The following HIRA variants were observed in gnomAD, a reference collection of about 807,000 sequenced individuals.
HIRA encodes protein HIRA.
Under a neutral mutation model 126.6 loss-of-function variants are expected in HIRA, and 13 were observed. That is an observed-to-expected ratio of 0.10 (90% CI 0.07 to 0.16). The LOEUF (loss-of-function observed/expected upper bound fraction) is 0.16, where lower values mean the gene tolerates loss of function less well. Among genes scored for constraint, HIRA ranks in the 10% least tolerant of loss-of-function variants. HIRA has a pLI of 1.00. For synonymous variants in HIRA, 511 were observed against 520.0 expected, an observed-to-expected ratio of 0.98 and a Z score of 0.24; for missense variants, 834 against 1,314.4, an observed-to-expected ratio of 0.63 and a Z score of 5.65.
intron 5 of HIRA, chr22:19,405,394 G>A: frequency 1.6e-6 from 1 of 618,690 alleles, no homozygotes; most frequent in African/African-American, 2.0e-5. Flanking sequence ...CATACTCAAG[G>A]TCAAGTTGAG....
At chr22:19,392,071 T>G (rs2089187781) in intron 9 of HIRA, 30 bp downstream of exon 9, 1 of 1,376,590 alleles carries the variant, frequency 7.3e-7, no homozygotes, top group South Asian at 1.2e-5. Context: ...CCTCCCGTCC[T>G]GCAACAAAAG....
chr22:19,400,887 T>C (rs749316366), intron 5 of HIRA, among the ~76,000 whole-genome samples: 4 of 152,044 alleles, frequency 2.6e-5, no homozygotes, highest in Non-Finnish European at 5.9e-5. Flanking sequence ...AATTCCAACC[T>C]TCCCACAGGC....
intron 24 of HIRA, among the ~76,000 whole-genome samples, chr22:19,342,994 G>A (rs2088648206): frequency 6.6e-6 from 1 of 152,172 alleles, no homozygotes; most frequent in African/African-American, 2.4e-5. Flanking sequence ...AGTAACTCAG[G>A]AATGGAAAAC....
intron 1 of HIRA, among the ~76,000 whole-genome samples, chr22:19,413,278 TC>T: frequency 6.6e-6 from 1 of 152,250 alleles, no homozygotes; most frequent in East Asian, 1.9e-4. Context: ...GCCTCAAGGC[TC>T]CAGGGGAAGG....
rs782416995 is a variant in HIRA at position 19,353,500 on chromosome 22, G to A, written c.2704C>T (p.Arg902Trp). The change falls in exon 23 of 25, where the codon CGG (arginine) becomes TGG (tryptophan). Residue 902 changes from arginine to tryptophan, a missense_variant. Arg to Trp is a moderately radical substitution (Grantham distance 101). Around this residue, in one of 5 missense-constraint regions of HIRA, gnomAD observed 468 missense variants for 574.2 expected, o/e 0.82. Transcript: ENST00000263208. ...ACCACATGAGGCACGGAGAAGAGCCGGGCAGCCTGCCTTCCCGAGCTGCAG... is the reference window on the plus strand; with the variant it reads ...ACCACATGAGGCACGGAGAAGAGCCAGGCAGCCTGCCTTCCCGAGCTGCAG... ...RTSNSGRQAA[R>W]LFSVPHVVQQ... The A allele has an allele frequency of 6.8e-6, 11 of 1,610,000 alleles. No homozygotes were observed. The highest frequency in any genetic ancestry group is 2.7e-5 in the African/African-American group (2 of 74,854).
intron 24 of HIRA, among the ~76,000 whole-genome samples, chr22:19,334,622 A>G (rs1453327133): frequency 6.6e-6 from 1 of 151,440 alleles, no homozygotes; most frequent in East Asian, 2.0e-4. Flanking sequence ...CCCCATCTCC[A>G]CTAAAAATAC....
Position 19,347,708 on chromosome 22 carries a change from G to A in HIRA, c.2937+3650C>T, listed in dbSNP as rs556032715. 2.1e-3 allele frequency among the ~76,000 whole-genome samples: 317 copies of A among 152,204 alleles called. 1 individual carries two copies. The highest frequency in any genetic ancestry group is 3.9e-3 in the Non-Finnish European group (266 of 68,006). On this transcript the variant is annotated intron_variant, in intron 24 of 24. Transcript: ENST00000263208. ...AATCCCAGCACTTCGGGAGGCTGAG[G>A]TGGGTAGATCACCTGAGGTCAGGAG...
intron 24 of HIRA, among the ~76,000 whole-genome samples, chr22:19,340,847 C>T (rs1267762321): frequency 6.6e-6 from 1 of 152,158 alleles, no homozygotes; most frequent in Admixed American, 6.5e-5. Flanking sequence ...AACTGAAAAA[C>T]TGATTGCTGA....
intron 1 of HIRA, among the ~76,000 whole-genome samples, chr22:19,414,454 A>G (rs2089378977): frequency 1.3e-5 from 2 of 152,218 alleles, no homozygotes; most frequent in Non-Finnish European, 2.9e-5. Flanking sequence ...CCCTCTCAGC[A>G]GTCCCACAGA....
chr22:19,402,994 T>C (rs1392508493), intron 5 of HIRA, among the ~76,000 whole-genome samples: 3 of 150,568 alleles, frequency 2.0e-5, no homozygotes, highest in Non-Finnish European at 4.4e-5. Flanking sequence ...TCCTAGCTAC[T>C]CAGGAGGCTG....
chr22:19,357,056 G>T lies in HIRA; in HGVS notation c.2235-5C>A. ...CAGGCGACACACACCACGTCACTGA[G>T]AAGGCAGAGTGGGGGCAGGTGTCAT... On this transcript the variant is annotated splice_region_variant and splice_polypyrimidine_tract_variant and intron_variant, in intron 18 of 24. Coordinates refer to ENST00000263208, the MANE Select transcript of HIRA (RefSeq NM_003325.4). 2 of 1,613,952 alleles carry T rather than the reference G, an allele frequency of 1.2e-6. No individual in the cohort carries two copies. The highest frequency in any genetic ancestry group is 1.7e-6 in the Non-Finnish European group (2 of 1,179,954).
At position 19,404,547 on chromosome 22, in the gene HIRA, C is replaced by T. The variant is rs3788297; in HGVS notation, c.397+1239G>A. Reference sequence around the variant, plus strand: ...CACAAATGTGGACTCAATCTATGGCCGCCACCAAGATGGGTTTGTTCTCCT... The same window carrying T: ...CACAAATGTGGACTCAATCTATGGCTGCCACCAAGATGGGTTTGTTCTCCT... On this transcript the variant is annotated intron_variant, in intron 5 of 24. Coordinates refer to ENST00000263208, the MANE Select transcript of HIRA (RefSeq NM_003325.4). Among the ~76,000 whole-genome samples, 18 of 152,246 alleles carry T rather than the reference C, an allele frequency of 1.2e-4. No individual in the cohort carries two copies. In the East Asian group the frequency reaches 2.3e-3, roughly 20 times the overall value.
chr22:19,363,207 C>G (rs570531952), intron 15 of HIRA, among the ~76,000 whole-genome samples: 29 of 149,454 alleles, frequency 1.9e-4, no homozygotes, highest in African/African-American at 7.1e-4. Context: ...GCACTCCAGC[C>G]TGGTGACAAA....
At chr22:19,395,691 G>A (rs2089217640) in intron 7 of HIRA, among the ~76,000 whole-genome samples, 1 of 152,166 alleles carries the variant, frequency 6.6e-6, no homozygotes, top group South Asian at 2.1e-4. Context: ...CTTTCCTGAT[G>A]CACTCACCTC....
At chr22:19,346,243 A>G (rs1352908124) in intron 24 of HIRA, among the ~76,000 whole-genome samples, 2 of 152,220 alleles carry the variant, frequency 1.3e-5, no homozygotes, top group African/African-American at 4.8e-5. Flanking sequence ...AAGGCCAGGC[A>G]CGGTGGCTCA....
At chr22:19,347,233 C>G (rs1163367344) in intron 24 of HIRA, among the ~76,000 whole-genome samples, 1 of 152,148 alleles carries the variant, frequency 6.6e-6, no homozygotes, top group Non-Finnish European at 1.5e-5. Flanking sequence ...AAACCTGAGG[C>G]CACTATCAAT....
In HIRA at chr22:19,431,633, C is replaced by A; in HGVS notation, c.-157G>T. ...GCCGCCGCGCCATCGCCGGCCCGCG[C>A]CCCCCTCCGCCGCCACAGCCGCCAC... On this transcript the variant is annotated 5_prime_UTR_variant, in exon 1 of 25. Transcript: ENST00000263208. The A allele has an allele frequency of 2.9e-6, 2 of 690,816 alleles. No individual in the cohort carries two copies. The highest frequency in any genetic ancestry group is 1.8e-6 in the Non-Finnish European group (1 of 546,016). The allele number at this position is 690,816 out of a possible 1,614,324, so 42.8% of individuals were successfully genotyped here.
At chr22:19,407,645 A>G (rs1471670188) in intron 3 of HIRA, among the ~76,000 whole-genome samples, 1 of 152,248 alleles carries the variant, frequency 6.6e-6, no homozygotes, top group African/African-American at 2.4e-5. Flanking sequence ...TCAAAAAAAG[A>G]GTACGTGCTA....
At chr22:19,332,695 T>C (rs2088504901) in intron 24 of HIRA, among the ~76,000 whole-genome samples, 1 of 150,184 alleles carries the variant, frequency 6.7e-6, no homozygotes, top group Non-Finnish European at 1.5e-5. Flanking sequence ...TTAGAGGCAT[T>C]TAGAAACAAC....
Sources: allele counts gnomAD v4.1 joint callset (sites outside exome capture counted in the v4.1 genomes callset), GRCh38; gene constraint gnomAD v4.1.1; regional missense constraint gnomAD v4.1.1; transcripts MANE v1.5; gene names NCBI Gene and HGNC (gene_info 2026-07-23, HGNC 2026-07-21).